The following HDAC9 variants were observed in gnomAD, a reference collection of about 807,000 sequenced individuals.
HDAC9 encodes the protein histone deacetylase 9.
Under a neutral mutation model 139.4 loss-of-function variants are expected in HDAC9, and 41 were observed. The ratio of observed to expected loss-of-function variants is 0.29; its 90% CI spans 0.23 to 0.38. HDAC9 has a LOEUF of 0.38. HDAC9 is among the 10% of genes least tolerant of loss of function. HDAC9 has a pLI of 1.00. For missense variants in HDAC9, 1,147 were observed against 1,297.0 expected (o/e 0.88, Z 1.78); for synonymous variants, 517 against 476.2 (o/e 1.09, Z -1.12).
intron 14 of HDAC9, among the ~76,000 whole-genome samples, chr7:18,757,581 A>G (rs1188758676): frequency 2.6e-5 from 4 of 152,096 alleles, no homozygotes; most frequent in Non-Finnish European, 5.9e-5. Context: ...CCTTTATTAT[A>G]TTTTACAAAA....
chr7:18,282,480 G>C (rs967944003), intron 2 of HDAC9, among the ~76,000 whole-genome samples: 2 of 152,114 alleles, frequency 1.3e-5, no homozygotes, highest in African/African-American at 2.4e-5. Context: ...AGAGTGATAC[G>C]TTGTGATTAT....
At chr7:18,126,462 C>T (rs575190056) in intron 1 of HDAC9, among the ~76,000 whole-genome samples, 2 of 152,222 alleles carry the variant, frequency 1.3e-5, no homozygotes, top group African/African-American at 4.8e-5. Context: ...TTATTCCACT[C>T]CTGAACTTAA....
intron 17 of HDAC9, among the ~76,000 whole-genome samples, chr7:18,825,504 C>A (rs1795354187): frequency 6.6e-6 from 1 of 151,870 alleles, no homozygotes. Flanking sequence ...AGCATGGCGG[C>A]CATTGGTGAC....
chr7:18,618,392 A>G (rs559941806), intron 6 of HDAC9, among the ~76,000 whole-genome samples: 15 of 152,246 alleles, frequency 9.9e-5, no homozygotes, highest in African/African-American at 3.6e-4. Flanking sequence ...GAGAGAACCA[A>G]TAAGTACAAT....
chr7:18,166,005 G>C (rs764498443), intron 2 of HDAC9, among the ~76,000 whole-genome samples: 5 of 152,070 alleles, frequency 3.3e-5, no homozygotes, highest in Non-Finnish European at 7.4e-5. Flanking sequence ...CAGCTTTTTA[G>C]TCCGATCTCA....
At position 18,195,145 on chromosome 7, in the gene HDAC9, G is replaced by A. The variant is rs575022288; in HGVS notation, c.25+32796G>A. Reference sequence around the variant, plus strand: ...CTGAAACAACAATTCTAAATGGATTGCTCATGGACTCTGAAACCTTTTTTG... The same window carrying A: ...CTGAAACAACAATTCTAAATGGATTACTCATGGACTCTGAAACCTTTTTTG... On this transcript the variant is annotated intron_variant, in intron 2 of 12. Coordinates refer to the HDAC9 transcript ENST00000417496. Among the ~76,000 whole-genome samples, 30 of 152,286 alleles carry A rather than the reference G, an allele frequency of 2.0e-4. No homozygotes were observed. In the South Asian group the frequency reaches 6.0e-3, roughly 31 times the overall value.
chr7:18,876,123 G>T (rs1471438732), intron 22 of HDAC9, among the ~76,000 whole-genome samples: 1 of 152,124 alleles, frequency 6.6e-6, no homozygotes, highest in Non-Finnish European at 1.5e-5. Flanking sequence ...AATCTCAAAT[G>T]TTACCTTGAA....
At chr7:18,846,272 C>G (rs1376552136) in intron 21 of HDAC9, among the ~76,000 whole-genome samples, 1 of 152,112 alleles carries the variant, frequency 6.6e-6, no homozygotes, top group Non-Finnish European at 1.5e-5. Flanking sequence ...ATAATGTTCC[C>G]TAGCAGTTCC....
chr7:18,650,146 G>T (rs1788793369), intron 11 of HDAC9, among the ~76,000 whole-genome samples: 1 of 152,080 alleles, frequency 6.6e-6, no homozygotes, highest in Non-Finnish European at 1.5e-5. Flanking sequence ...GGTAGAGTTA[G>T]GTTTGTTTAT....
intron 2 of HDAC9, among the ~76,000 whole-genome samples, chr7:18,568,470 A>G (rs1823194198): frequency 6.6e-6 from 1 of 152,230 alleles, no homozygotes; most frequent in African/African-American, 2.4e-5. Flanking sequence ...AGCGCTCAGC[A>G]TATGTTGCTC....
intron 22 of HDAC9, chr7:18,899,200 A>T (rs983609017): frequency 3.9e-5 from 6 of 152,020 alleles, no homozygotes; most frequent in Non-Finnish European, 7.4e-5. Context: ...CTATTAATAA[A>T]AATGCTGTTT....
At chr7:18,334,211 A>G (rs1347755696) in intron 1 of HDAC9, among the ~76,000 whole-genome samples, 2 of 151,454 alleles carry the variant, frequency 1.3e-5, no homozygotes, top group African/African-American at 4.8e-5. Flanking sequence ...CTGACAGAAT[A>G]TCATATCACA....
At chr7:18,930,086 G>A (rs1804601266) in intron 22 of HDAC9, among the ~76,000 whole-genome samples, 1 of 152,104 alleles carries the variant, frequency 6.6e-6, no homozygotes, top group Non-Finnish European at 1.5e-5. Flanking sequence ...ACCTGTACAT[G>A]TGGCTGCTCC....
intron 2 of HDAC9, among the ~76,000 whole-genome samples, chr7:18,525,918 C>G (rs1362865109): frequency 6.6e-6 from 1 of 152,186 alleles, no homozygotes; most frequent in African/African-American, 2.4e-5. Context: ...TTCTTGCTGC[C>G]AGTCTTGCCT....
At chr7:18,881,291 T>C (rs1478664895) in intron 22 of HDAC9, among the ~76,000 whole-genome samples, 1 of 152,134 alleles carries the variant, frequency 6.6e-6, no homozygotes, top group Non-Finnish European at 1.5e-5. Context: ...ATAAATTAGT[T>C]TCCTCATCTA....
chr7:18,532,970 TTG>T (rs927020066), intron 2 of HDAC9, among the ~76,000 whole-genome samples: 2 of 152,158 alleles, frequency 1.3e-5, no homozygotes, highest in Non-Finnish European at 2.9e-5. Context: ...AGGAGTGTGC[TTG>T]TGTGTGTGCA....
At chr7:18,259,745 T>C (rs966468835) in intron 2 of HDAC9, among the ~76,000 whole-genome samples, 1 of 152,224 alleles carries the variant, frequency 6.6e-6, no homozygotes, top group Non-Finnish European at 1.5e-5. Flanking sequence ...TAAATATTGA[T>C]TGAGGAAAAG....
chr7:18,628,544 C>T (rs978519519), intron 6 of HDAC9, among the ~76,000 whole-genome samples: 5 of 152,116 alleles, frequency 3.3e-5, no homozygotes, highest in African/African-American at 1.2e-4. Context: ...TGTTTCCATT[C>T]TTCTAAAGTA....
intron 22 of HDAC9, among the ~76,000 whole-genome samples, chr7:18,925,708 A>C (rs1804161683): frequency 6.6e-6 from 1 of 151,138 alleles, no homozygotes; most frequent in East Asian, 2.0e-4. Flanking sequence ...AGCCTTTTTC[A>C]TTTGGTGTGT....
Sources: allele counts gnomAD v4.1 joint callset (sites outside exome capture counted in the v4.1 genomes callset), GRCh38; gene constraint gnomAD v4.1.1; transcripts MANE v1.5; gene names NCBI Gene and HGNC (gene_info 2026-07-23, HGNC 2026-07-21).